CNTN3: variants seen among roughly 807,000 people sequenced by gnomAD.
The protein encoded by CNTN3 is contactin 3, also known as contactin-3.
CNTN3 carries 60 observed loss-of-function variants against 119.1 expected under a neutral mutation model. The ratio of observed to expected loss-of-function variants is 0.50; its 90% CI spans 0.41 to 0.62. CNTN3 has a LOEUF of 0.62. Ranked by LOEUF, CNTN3 falls within the 20% of genes least tolerant of loss-of-function variation. The pLI, the probability that CNTN3 is intolerant of heterozygous loss-of-function variation, is 0.00. For synonymous variants in CNTN3, 450 were observed against 438.7 expected, an observed-to-expected ratio of 1.03 and a Z score of -0.32; for missense variants, 1,101 against 1,242.4, an observed-to-expected ratio of 0.89 and a Z score of 1.71.
intron 4 of CNTN3, among the ~76,000 whole-genome samples, chr3:74,425,497 C>T (rs1433386700): frequency 1.3e-5 from 2 of 152,062 alleles, no homozygotes; most frequent in Non-Finnish European, 2.9e-5. Context: ...CCCACTGATC[C>T]CATGTTGCTG....
rs114574813 is a variant in CNTN3 at position 74,593,391 on chromosome 3, G to A, written c.-81+21000C>T. On this transcript the variant is annotated intron_variant, in intron 1 of 22. Coordinates refer to ENST00000263665, the MANE Select transcript of CNTN3 (RefSeq NM_020872.3). ...TGCTTATAAACAGCAAAGAACAACG[G>A]ACAGACATAGAGGGTTGATAGAAGA... Among the ~76,000 whole-genome samples, 963 of 152,034 alleles carry A rather than the reference G, an allele frequency of 6.3e-3. 6 individuals carry two copies. Among genetic ancestry groups the A allele is most frequent in the African/African-American group, 0.022 (913 of 41,526 alleles).
At chr3:74,315,152 T>C (rs930239153) in intron 13 of CNTN3, among the ~76,000 whole-genome samples, 1 of 152,202 alleles carries the variant, frequency 6.6e-6, no homozygotes, top group African/African-American at 2.4e-5. Flanking sequence ...ACAGTTCACA[T>C]ATGCCATGGC....
At chr3:74,377,103 T>G (rs1477252773) in intron 5 of CNTN3, among the ~76,000 whole-genome samples, 2 of 152,188 alleles carry the variant, frequency 1.3e-5, no homozygotes, top group Admixed American at 1.3e-4. Flanking sequence ...TTTTCAAAGA[T>G]TCACACCCTT....
At chr3:74,452,516 C>T (rs1401199008) in intron 4 of CNTN3, among the ~76,000 whole-genome samples, 1 of 146,152 alleles carries the variant, frequency 6.8e-6, no homozygotes, top group African/African-American at 2.6e-5. Flanking sequence ...TTTCCTTCTC[C>T]TGCCTAATTG....
intron 1 of CNTN3, among the ~76,000 whole-genome samples, chr3:74,605,233 G>A (rs1381911741): frequency 6.6e-6 from 1 of 151,848 alleles, no homozygotes; most frequent in Non-Finnish European, 1.5e-5. Flanking sequence ...ACAACATGGT[G>A]ACTATAATTA....
chr3:74,390,432 A>C (rs144810879), intron 5 of CNTN3, among the ~76,000 whole-genome samples: 208 of 147,896 alleles, frequency 1.4e-3, no homozygotes, highest in African/African-American at 4.8e-3. Context: ...CTGCTTCCAC[A>C]GTTCTCTATG....
intron 18 of CNTN3, 75 bp downstream of exon 18, chr3:74,297,882 G>A (rs533297960): frequency 1.2e-5 from 13 of 1,105,754 alleles, no homozygotes; most frequent in Middle Eastern, 2.1e-4. Flanking sequence ...AAGTCAAAAC[G>A]AGACTCCAAA....
intron 1 of CNTN3, among the ~76,000 whole-genome samples, chr3:74,544,288 C>T (rs1295693349): frequency 6.6e-6 from 1 of 152,130 alleles, no homozygotes; most frequent in African/African-American, 2.4e-5. Flanking sequence ...ATATAACATG[C>T]CTGACTCTGA....
At chr3:74,517,536 G>A (rs1329960242) in intron 2 of CNTN3, among the ~76,000 whole-genome samples, 1 of 151,842 alleles carries the variant, frequency 6.6e-6, no homozygotes, top group Admixed American at 6.6e-5. Flanking sequence ...TTTTATCAAA[G>A]TATTACGGAC....
chr3:74,487,698 T>A (rs1702883905), intron 3 of CNTN3, among the ~76,000 whole-genome samples: 1 of 152,110 alleles, frequency 6.6e-6, no homozygotes, highest in South Asian at 2.1e-4. Flanking sequence ...CTTTAATATA[T>A]ACAATATTTA....
At chr3:74,321,648 G>T (rs1007836806) in intron 13 of CNTN3, among the ~76,000 whole-genome samples, 1 of 152,024 alleles carries the variant, frequency 6.6e-6, no homozygotes, top group Non-Finnish European at 1.5e-5. Flanking sequence ...ATCATCTCTA[G>T]CTAGGCTACT....
rs546511791 is a variant in CNTN3, at chr3:74,607,634, C to T, written c.-81+6757G>A. Among the ~76,000 whole-genome samples the T allele has an allele frequency of 2.6e-5, 4 of 152,252 alleles. No individual in the cohort carries two copies. The South Asian group carries it at 8.3e-4, about 32-fold the overall frequency. On this transcript the variant is annotated intron_variant, in intron 1 of 22. Transcript: ENST00000263665. ...ACAGAGAACCACCCAAATGTTATAT[C>T]CTGGCTTATAAAATCCCAAGATTTC...
chr3:74,440,661 AT>A (rs201210877), intron 4 of CNTN3, among the ~76,000 whole-genome samples: 106 of 150,792 alleles, frequency 7.0e-4, no homozygotes, highest in African/African-American at 2.5e-3. Flanking sequence ...GTTGTTATTT[AT>A]TTTTTTTTAC....
intron 3 of CNTN3, among the ~76,000 whole-genome samples, chr3:74,490,858 T>G (rs1702950635): frequency 6.6e-6 from 1 of 152,238 alleles, no homozygotes; most frequent in South Asian, 2.1e-4. Flanking sequence ...AGCTAAAATA[T>G]ACTTGCCATA....
At chr3:74,362,896 A>C (rs1357648275) in intron 10 of CNTN3, among the ~76,000 whole-genome samples, 1 of 152,228 alleles carries the variant, frequency 6.6e-6, no homozygotes, top group East Asian at 1.9e-4. Context: ...TGTGGTAAAG[A>C]AAACATGGTA....
intron 5 of CNTN3, among the ~76,000 whole-genome samples, chr3:74,416,503 C>T (rs1451655682): frequency 6.6e-6 from 1 of 152,144 alleles, no homozygotes; most frequent in Non-Finnish European, 1.5e-5. Context: ...AGTTTGTACC[C>T]TCTCTGCTTC....
intron 13 of CNTN3, among the ~76,000 whole-genome samples, chr3:74,319,828 A>AC (rs1040614933): frequency 2.6e-5 from 4 of 151,788 alleles, no homozygotes; most frequent in African/African-American, 9.7e-5. Flanking sequence ...AAAAAAAAAA[A>AC]CAAACAACCC....
chr3:74,498,686 A>T (rs1242091805), intron 3 of CNTN3, among the ~76,000 whole-genome samples: 1 of 151,832 alleles, frequency 6.6e-6, no homozygotes. Context: ...GCTCAATAAG[A>T]TCTAAATTAC....
chr3:74,326,973 T>C (rs894269374), intron 13 of CNTN3, among the ~76,000 whole-genome samples: 7 of 152,132 alleles, frequency 4.6e-5, no homozygotes, highest in African/African-American at 1.7e-4. Context: ...TAAAAGTCAG[T>C]AATTGGTCAT....
Sources: gnomAD v4.1 joint callset for allele counts (sites outside exome capture counted in the v4.1 genomes callset) on GRCh38, gnomAD v4.1.1 for gene constraint, MANE v1.5 for transcripts, NCBI Gene and HGNC (gene_info 2026-07-23, HGNC 2026-07-21) for gene names.